AKR1C2: variants seen among roughly 807,000 people sequenced by gnomAD.
The protein encoded by AKR1C2 is 3-alpha-HSD3.
AKR1C2 carries 27 observed loss-of-function variants against 39.8 expected under a neutral mutation model. The ratio of observed to expected loss-of-function variants is 0.68; its 90% CI spans 0.50 to 0.93. AKR1C2 has a LOEUF of 0.93. Among genes scored for constraint, AKR1C2 ranks in the 40% least tolerant of loss-of-function variants. The probability of loss-of-function intolerance (pLI) is 0.00; values close to 1 mark genes in which losing one functional copy is unlikely to be tolerated. For synonymous variants in AKR1C2, 114 were observed against 137.9 expected (o/e 0.83, Z 1.22); for missense variants, 263 against 365.1 (o/e 0.72, Z 2.28).
At chr10:5,005,196 T>C (rs556426484), upstream of AKR1C2, among the ~76,000 whole-genome samples, 53 of 152,166 alleles carry the variant, frequency 3.5e-4, no homozygotes, top group Admixed American at 1.6e-3. Context: ...TTTGGGGAAA[T>C]ATAAAAGGGC....
At chr10:4,990,413 T>A (rs1475443616) in intron 8 of AKR1C2, among the ~76,000 whole-genome samples, 4 of 152,210 alleles carry the variant, frequency 2.6e-5, no homozygotes, top group Non-Finnish European at 5.9e-5. Flanking sequence ...TGAAGAGGAA[T>A]AAGGAAGATA....
upstream of AKR1C2, among the ~76,000 whole-genome samples, chr10:5,005,226 A>G (rs1343334451): frequency 2.0e-5 from 3 of 151,948 alleles, no homozygotes; most frequent in East Asian, 1.9e-4. Flanking sequence ...CCACATAGGT[A>G]CATGTTCAGA....
At position 5,001,621 on chromosome 10, in the gene AKR1C2, T is replaced by A; in HGVS notation, c.145A>T (p.Ile49Phe). 1 of 1,613,978 alleles carries A rather than the reference T, an allele frequency of 6.2e-7. No homozygotes were observed. Among genetic ancestry groups the A allele is most frequent in the Non-Finnish European group, 8.5e-7 (1 of 1,179,880 alleles). The change falls in exon 2 of 9, where the codon ATT (isoleucine) becomes TTT (phenylalanine). Residue 49 changes from isoleucine to phenylalanine, a missense_variant. This residue lies in a region of AKR1C2 where 247 missense variants were observed against 267.9 expected (regional missense o/e 0.92). Transcript: ENST00000380753. Reference sequence around the variant, plus strand: ...TTATTGTAAACATGTGCAGAATCAATATGGTGGAACCCGGCTTCTATTGCC... The same window carrying A: ...TTATTGTAAACATGTGCAGAATCAAAATGGTGGAACCCGGCTTCTATTGCC... ...KLAIEAGFHHIDSAHVYNNEE... is the reference protein window; with the variant it reads ...KLAIEAGFHHFDSAHVYNNEE...
chr10:5,000,422 T>G (rs1208273260), intron 3 of AKR1C2, 128 bp downstream of exon 3: 12 of 1,584,370 alleles, frequency 7.6e-6, no homozygotes, highest in Non-Finnish European at 9.4e-6. Context: ...AGGAGTTATG[T>G]TTAGGGCTCT....
rs374580806 is a variant in AKR1C2 at position 4,989,436 on chromosome 10, A to AC, written c.*559dup. 15,111 of 148,294 alleles carry AC rather than the reference A, an allele frequency of 0.1. 868 individuals carry two copies. The highest frequency in any genetic ancestry group is 0.18 in the South Asian group (837 of 4,544). The allele number at this position is 148,294 out of a possible 1,614,324, so 9.2% of individuals were successfully genotyped here. ...TTCCTGGTGCCCTCCCATCTCCCTA[A>AC]CCCCCCCTCACAGGGATGCCTCCTC... On this transcript the variant is annotated 3_prime_UTR_variant, in exon 9 of 9. Coordinates refer to ENST00000380753, the MANE Select transcript of AKR1C2 (RefSeq NM_001393392.1).
intron 7 of AKR1C2, among the ~76,000 whole-genome samples, chr10:4,993,979 C>T (rs1836931524): frequency 6.6e-6 from 1 of 151,628 alleles, no homozygotes. Flanking sequence ...TACCTAGATT[C>T]ATCAATTGTT....
Position 4,994,889 on chromosome 10 carries a change from C to T in AKR1C2, c.846+430G>A, listed in dbSNP as rs1164763388. ...TAAAAATAAAGACACACAACCACCT[C>T]GCCAAAAAAAAAGGCAGAGTTAAAC... is the stretch of plus-strand genomic sequence containing the variant. On this transcript the variant is annotated intron_variant, in intron 7 of 8. Coordinates refer to ENST00000380753, the MANE Select transcript of AKR1C2 (RefSeq NM_001393392.1). 3.7e-5 allele frequency among the ~76,000 whole-genome samples: 5 copies of T among 133,740 alleles called. 1 individual carries two copies. Among genetic ancestry groups the T allele is most frequent in the Admixed American group, 7.5e-5 (1 of 13,286 alleles). 87.7% of individuals were successfully genotyped at this position (133,740 alleles called of 152,430 possible).
intron 1 of AKR1C2, among the ~76,000 whole-genome samples, chr10:5,009,655 A>C (rs1441305284): frequency 6.6e-6 from 1 of 152,020 alleles, no homozygotes; most frequent in African/African-American, 2.4e-5. Flanking sequence ...CCCCTAAATG[A>C]GAACAGGCAT....
At chr10:5,015,689 T>A (rs1355289153) in intron 1 of AKR1C2, 1 of 152,216 alleles carries the variant, frequency 6.6e-6, no homozygotes, top group Admixed American at 6.5e-5. Flanking sequence ...CATGGACATA[T>A]TTGATTAGTA....
chr10:5,016,800 G>C (rs1430265308), intron 1 of AKR1C2, among the ~76,000 whole-genome samples: 1 of 152,188 alleles, frequency 6.6e-6, no homozygotes, highest in Non-Finnish European at 1.5e-5. Flanking sequence ...CCTTGCAGCA[G>C]GCTTCTGCCT....
At chr10:5,009,930 T>C (rs1554774740) in intron 1 of AKR1C2, among the ~76,000 whole-genome samples, 2 of 140,308 alleles carry the variant, frequency 1.4e-5, no homozygotes, top group African/African-American at 5.3e-5. Context: ...TCCTACTCAT[T>C]CCCCCATTCC....
chr10:5,009,301 G>C (rs1837470974), intron 1 of AKR1C2, among the ~76,000 whole-genome samples: 1 of 152,174 alleles, frequency 6.6e-6, no homozygotes, highest in African/African-American at 2.4e-5. Context: ...AGTGACAATT[G>C]CACCGAGCAC....
In AKR1C2 at chr10:4,998,708, T is replaced by C. The variant is rs782597135; in HGVS notation, c.487A>G (p.Ile163Val). ...KCKDAGLAKS[I>V]GVSNFNHRLL... ...CTGTGGTTGAAGTTGGACACCCCGA[T>C]GGACTTGGCCAATCCTGCATCTTTA... Residue 163 changes from isoleucine to valine, a missense_variant, in exon 5 of 9, where the codon ATC becomes GTC. Coordinates refer to ENST00000380753, the MANE Select transcript of AKR1C2 (RefSeq NM_001393392.1). 49 of 1,614,186 alleles carry C rather than the reference T, an allele frequency of 3.0e-5. No homozygotes were observed. In the South Asian group the frequency reaches 4.4e-4, roughly 14 times the overall value.
At chr10:5,015,379 T>C (rs1240891946) in intron 1 of AKR1C2, 1 of 152,226 alleles carries the variant, frequency 6.6e-6, no homozygotes, top group African/African-American at 2.4e-5. Flanking sequence ...GAAAACATAC[T>C]TGACAGTTAT....
rs1244034692 is a variant in AKR1C2 at position 4,999,464 on chromosome 10, T to C, written c.370-187A>G. 3.8e-6 allele frequency: 5 copies of C among 1,304,242 alleles called. No homozygotes were observed. In the African/African-American group the frequency reaches 7.4e-5, roughly 19 times the overall value. 80.8% of individuals were successfully genotyped at this position (1,304,242 alleles called of 1,614,324 possible). A position where few individuals can be genotyped will look rare whatever the true frequency, so the allele number is the denominator to read the frequency against. On this transcript the variant is annotated intron_variant, in intron 3 of 8. Coordinates refer to ENST00000380753, the MANE Select transcript of AKR1C2 (RefSeq NM_001393392.1). ...ATGTCTTCAGGTGACAGGCTTCCTCTAATCTCTTACACCTATTATATGTAT... is the reference window on the plus strand; with the variant it reads ...ATGTCTTCAGGTGACAGGCTTCCTCCAATCTCTTACACCTATTATATGTAT...
chr10:4,994,891 C>A (rs1836977341), intron 7 of AKR1C2, among the ~76,000 whole-genome samples: 1 of 132,336 alleles, frequency 7.6e-6, no homozygotes, highest in Non-Finnish European at 1.6e-5. Flanking sequence ...AACCACCTCG[C>A]CAAAAAAAAA....
At chr10:5,006,409 C>G (rs1554774391), upstream of AKR1C2, 1 of 152,072 alleles carries the variant, frequency 6.6e-6, no homozygotes, top group East Asian at 1.9e-4. Flanking sequence ...CGAGACCAGC[C>G]TGGCTAACAT....
At chr10:5,000,196 C>T (rs1837212829) in intron 3 of AKR1C2, 2 of 1,414,552 alleles carry the variant, frequency 1.4e-6, no homozygotes, top group East Asian at 5.1e-5. Context: ...AGCAGGTTTT[C>T]TGGACACCAC....
chr10:5,002,639 G>T (rs1440587607), intron 1 of AKR1C2, among the ~76,000 whole-genome samples: 2 of 152,146 alleles, frequency 1.3e-5, no homozygotes, highest in African/African-American at 4.8e-5. Context: ...AACAAATTTG[G>T]ATACAGATTT....
Sources: gnomAD v4.1 joint callset for allele counts (sites outside exome capture counted in the v4.1 genomes callset) on GRCh38, gnomAD v4.1.1 for gene constraint, gnomAD v4.1.1 regional missense constraint, MANE v1.5 for transcripts, NCBI Gene and HGNC (gene_info 2026-07-23, HGNC 2026-07-21) for gene names.